ETV6: variants seen among roughly 807,000 people sequenced by gnomAD.
ETV6 encodes the protein transcription factor ETV6.
A neutral mutation model predicts 51.1 loss-of-function variants in ETV6; 16 were observed. The observed-to-expected ratio is 0.31, with a 90% CI of 0.21 to 0.48. The LOEUF is 0.48. Among genes scored for constraint, ETV6 ranks in the 20% least tolerant of loss-of-function variants. ETV6 has a pLI of 0.99. For synonymous variants in ETV6, 240 were observed against 224.1 expected, an observed-to-expected ratio of 1.07 and a Z score of -0.64; for missense variants, 458 against 594.8, an observed-to-expected ratio of 0.77 and a Z score of 2.39.
chr12:11,775,860 A>G (rs1372521800), intron 2 of ETV6, among the ~76,000 whole-genome samples: 1 of 152,228 alleles, frequency 6.6e-6, no homozygotes, highest in African/African-American at 2.4e-5. Flanking sequence ...ATACACGTCA[A>G]TATGTTATTG....
At chr12:11,737,886 G>A (rs1865734021) in intron 1 of ETV6, among the ~76,000 whole-genome samples, 1 of 152,158 alleles carries the variant, frequency 6.6e-6, no homozygotes, top group African/African-American at 2.4e-5. Flanking sequence ...GTAGTTTTAG[G>A]GGGAAGCATA....
rs1056761243 is a variant in ETV6, at chr12:11,893,021, T to C, written c.*1975T>C. The C allele has an allele frequency of 6.4e-5, 15 of 232,832 alleles. No homozygotes were observed. The highest frequency in any genetic ancestry group is 3.3e-4 in the African/African-American group (15 of 45,322). 14.4% of individuals were successfully genotyped at this position (232,832 alleles called of 1,614,324 possible). On this transcript the variant is annotated 3_prime_UTR_variant, in exon 8 of 8. Coordinates refer to ENST00000396373, the MANE Select transcript of ETV6 (RefSeq NM_001987.5). ...ACCTTCCGGGAGGTCAGGGACCTTC[T>C]ATATGAGGCGAGTGGGTCTCAGTCT...
intron 1 of ETV6, among the ~76,000 whole-genome samples, chr12:11,653,296 C>T (rs1466379683): frequency 6.6e-6 from 1 of 152,174 alleles, no homozygotes; most frequent in Non-Finnish European, 1.5e-5. Flanking sequence ...GACCAAGTTG[C>T]AGCGGAAGGT....
At position 11,883,276 on chromosome 12, in the gene ETV6, C is replaced by CTTCTTCTTT. The variant is rs776231778; in HGVS notation, c.1010-1167_1010-1166insCTTCTTTTT. ...GGGAAGGTGTACATCATGTCTTCTT[C>CTTCTTCTTT]TTTTTTTTTTTTTTTTTTTTTTTTT... On this transcript the variant is annotated intron_variant, in intron 5 of 7. Transcript: ENST00000396373. Among the ~76,000 whole-genome samples the CTTCTTCTTT allele has an allele frequency of 5.7e-3, 448 of 78,968 alleles. 28 individuals are homozygous for CTTCTTCTTT. Among genetic ancestry groups the CTTCTTCTTT allele is most frequent in the Middle Eastern group, 7.0e-3 (1 of 142 alleles). The allele number at this position is 78,968 out of a possible 152,430, so 51.8% of individuals were successfully genotyped here. A position where few individuals can be genotyped will look rare whatever the true frequency, so the allele number is the denominator to read the frequency against.
intron 5 of ETV6, among the ~76,000 whole-genome samples, chr12:11,878,922 AAAT>A (rs1435964140): frequency 2.6e-5 from 4 of 151,554 alleles, no homozygotes; most frequent in African/African-American, 7.3e-5. Context: ...TATTTGGGCC[AAAT>A]AATAATTTGT....
At chr12:11,679,224 G>A (rs1284566630) in intron 1 of ETV6, among the ~76,000 whole-genome samples, 1 of 152,060 alleles carries the variant, frequency 6.6e-6, no homozygotes, top group East Asian at 1.9e-4. Context: ...TGTCTCAAAG[G>A]ATCATTTTTT....
intron 1 of ETV6, among the ~76,000 whole-genome samples, chr12:11,707,335 A>G (rs923684921): frequency 4.8e-4 from 73 of 152,354 alleles, no homozygotes; most frequent in African/African-American, 1.7e-3. Flanking sequence ...CTCACCTGCT[A>G]GAGGTGGTCT....
rs367952002 is a variant in ETV6, at chr12:11,869,992, G to A, written c.1009+23G>A. 98 of 1,574,944 alleles carry A rather than the reference G, an allele frequency of 6.2e-5. No individual in the cohort carries two copies. The highest frequency in any genetic ancestry group is 1.7e-4 in the Middle Eastern group (1 of 5,748). The stretch of plus-strand genomic sequence containing the variant: ...CAGGTGAGTGAGTTCCCCTCTCGCC[G>A]CTCCAGCATCATGGGGACCTGACAA... On this transcript the variant is annotated intron_variant, in intron 5 of 7. Coordinates refer to ENST00000396373, the MANE Select transcript of ETV6 (RefSeq NM_001987.5). The surrounding 1 kb of genome is among the most constrained non-coding windows in gnomAD (Gnocchi z 5.0).
intron 3 of ETV6, among the ~76,000 whole-genome samples, chr12:11,851,270 C>G (rs1287024710): frequency 6.6e-6 from 1 of 151,278 alleles, no homozygotes; most frequent in Admixed American, 6.6e-5. Context: ...ATCAGGAACA[C>G]ATTTTTCAAT....
chr12:11,667,991 C>T (rs184137044), intron 1 of ETV6, among the ~76,000 whole-genome samples: 2 of 152,210 alleles, frequency 1.3e-5, no homozygotes, highest in African/African-American at 4.8e-5. Context: ...TGAGCCACCA[C>T]GCCCAGCCAA....
intron 1 of ETV6, among the ~76,000 whole-genome samples, chr12:11,689,957 A>G (rs1591610856): frequency 1.3e-5 from 2 of 152,124 alleles, no homozygotes; most frequent in East Asian, 1.9e-4. Flanking sequence ...TTCGTGCGCA[A>G]ATACAGATTC....
rs1328260633 is a variant in ETV6 at position 11,890,983 on chromosome 12, C to T, written c.1296C>T (p.Asp432=). Residue 432 remains aspartate, a synonymous_variant, in exon 8 of 8, where the codon GAC becomes GAT. Coordinates refer to ENST00000396373, the MANE Select transcript of ETV6 (RefSeq NM_001987.5). ...ATGAAATCATGAGTGGCCGAACAGA[C>T]CGTCTGGAGCACCTAGAGTCCCAGG... The part of the protein sequence containing the change: ...TPDEIMSGRT[D]RLEHLESQEL... 23 of 1,613,806 alleles carry T rather than the reference C, an allele frequency of 1.4e-5. No homozygotes were observed. The highest frequency in any genetic ancestry group is 1.9e-5 in the Non-Finnish European group (22 of 1,179,894).
chr12:11,848,902 G>A (rs550027607), intron 3 of ETV6, among the ~76,000 whole-genome samples: 11 of 152,256 alleles, frequency 7.2e-5, no homozygotes, highest in Non-Finnish European at 1.6e-4. Flanking sequence ...ATACTAGTTA[G>A]TACCAGTCAC....
At chr12:11,804,504 T>C (rs200335849) in intron 2 of ETV6, among the ~76,000 whole-genome samples, 5 of 151,952 alleles carry the variant, frequency 3.3e-5, no homozygotes, top group Admixed American at 6.6e-5. Context: ...AAGTTTATGT[T>C]CTACCTCAGG....
chr12:11,824,777 G>A lies in ETV6; in HGVS notation c.164-14363G>A, dbSNP rs370796396. 1.2e-3 allele frequency among the ~76,000 whole-genome samples: 179 copies of A among 151,312 alleles called. 1 individual carries two copies. The South Asian group carries it at 0.024, about 21-fold the overall frequency. On this transcript the variant is annotated intron_variant, in intron 2 of 7. Transcript: ENST00000396373. Reference sequence around the variant, plus strand: ...ACAGAGCAAGACTCCATCTCAAAAAGAAAAAGAAAAAGAAAAGGATGGGGC... The same window carrying A: ...ACAGAGCAAGACTCCATCTCAAAAAAAAAAAGAAAAAGAAAAGGATGGGGC...
chr12:11,870,332 G>A (rs1053467784), intron 5 of ETV6, among the ~76,000 whole-genome samples: 4 of 152,164 alleles, frequency 2.6e-5, no homozygotes, highest in African/African-American at 9.7e-5. Flanking sequence ...ACCAGACACA[G>A]CATAAAGAAG....
rs1946919156 is a variant in ETV6, at chr12:11,873,618, G to A, written c.1009+3649G>A. 1.8e-5 allele frequency among the ~76,000 whole-genome samples: 2 copies of A among 112,850 alleles called. 1 individual carries two copies. The highest frequency in any genetic ancestry group is 3.6e-5 in the Non-Finnish European group (2 of 55,518). 74.0% of individuals were successfully genotyped at this position (112,850 alleles called of 152,430 possible). A position where few individuals can be genotyped will look rare whatever the true frequency, so the allele number is the denominator to read the frequency against. ...ATAGATGGAAATAGTACTCATGAAT[G>A]TGGATCACAAAATGAAGCTAAATTC... is the stretch of plus-strand genomic sequence containing the variant. On this transcript the variant is annotated intron_variant, in intron 5 of 7. Coordinates refer to ENST00000396373, the MANE Select transcript of ETV6 (RefSeq NM_001987.5).
chr12:11,652,329 G>A (rs1457333739), intron 1 of ETV6, among the ~76,000 whole-genome samples: 2 of 152,178 alleles, frequency 1.3e-5, no homozygotes, highest in Middle Eastern at 3.2e-3. Context: ...TAGAGATCAA[G>A]GACTGGGATT....
At chr12:11,746,368 C>T (rs557968728) in intron 1 of ETV6, among the ~76,000 whole-genome samples, 11 of 152,284 alleles carry the variant, frequency 7.2e-5, no homozygotes, top group Non-Finnish European at 1.0e-4. Flanking sequence ...TCAGTTTCCT[C>T]ATTGCGGAAT....
Sources: allele counts gnomAD v4.1 joint callset (sites outside exome capture counted in the v4.1 genomes callset), GRCh38; gene constraint gnomAD v4.1.1; non-coding constraint Gnocchi (gnomAD v3.1); transcripts MANE v1.5; gene names NCBI Gene and HGNC (gene_info 2026-07-23, HGNC 2026-07-21).